Variants in DCAF4 observed in about 807,000 individuals in gnomAD.
The protein encoded by DCAF4 is DDB1- and CUL4-associated factor 4.
A neutral mutation model predicts 60.9 loss-of-function variants in DCAF4; 37 were observed. The ratio of observed to expected loss-of-function variants is 0.61; its 90% CI spans 0.47 to 0.80. The LOEUF is 0.80. Among genes scored for constraint, DCAF4 ranks in the 30% least tolerant of loss-of-function variants. DCAF4 has a pLI of 0.00. For missense variants in DCAF4, 577 were observed against 650.0 expected (o/e 0.89, Z 1.22); for synonymous variants, 243 against 254.8 (o/e 0.95, Z 0.44).
rs556584851 is a variant in DCAF4, at chr14:72,926,535, G to T, written c.-17G>T. 5.9e-5 allele frequency: 9 copies of T among 152,510 alleles called. No homozygotes were observed. The highest frequency in any genetic ancestry group is 2.2e-4 in the African/African-American group (9 of 41,588). The allele number at this position is 152,510 out of a possible 1,614,324, so 9.4% of individuals were successfully genotyped here. A position where few individuals can be genotyped will look rare whatever the true frequency, so the allele number is the denominator to read the frequency against. ...CCGGAGGGGAATCCGGAAGGGACAC[G>T]CTGAACAGGTAAGACTGTGCTGCCT... On this transcript the variant is annotated 5_prime_UTR_variant, in exon 1 of 14. Coordinates refer to ENST00000358377, the MANE Select transcript of DCAF4 (RefSeq NM_015604.4).
chr14:72,928,598 T>TATATAA (rs1567290193), intron 1 of DCAF4, among the ~76,000 whole-genome samples: 2,274 of 27,418 alleles, frequency 0.083, 59 homozygotes, highest in African/African-American at 0.14. Flanking sequence ...TATATATATA[T>TATATAA]ATATATATAT....
intron 9 of DCAF4, among the ~76,000 whole-genome samples, chr14:72,953,728 AAAAAATATAT>A (rs1389754242): frequency 7.9e-5 from 3 of 37,768 alleles, no homozygotes; most frequent in Non-Finnish European, 1.4e-4. Flanking sequence ...AAAAAAAAAA[AAAAAATATAT>A]ATATATATAT....
chr14:72,953,406 A>C (rs1891702106), intron 9 of DCAF4, among the ~76,000 whole-genome samples: 1 of 151,550 alleles, frequency 6.6e-6, no homozygotes, highest in African/African-American at 2.4e-5. Context: ...TCAATGCAAA[A>C]GTTTATTTTA....
chr14:72,931,396 C>A (rs1888563719), intron 1 of DCAF4, among the ~76,000 whole-genome samples: 1 of 150,698 alleles, frequency 6.6e-6, no homozygotes, highest in African/African-American at 2.4e-5. Context: ...TATAGAAATA[C>A]AACTGGTTTT....
At chr14:72,931,988 C>CT (rs146250601) in intron 1 of DCAF4, among the ~76,000 whole-genome samples, 2,541 of 116,952 alleles carry the variant, frequency 0.022, 48 homozygotes, top group African/African-American at 0.058. Context: ...ATTTTTCCTT[C>CT]TTTTTTTTTT....
At chr14:72,952,827 T>G (rs186436041) in intron 9 of DCAF4, among the ~76,000 whole-genome samples, 1 of 138,428 alleles carries the variant, frequency 7.2e-6, no homozygotes, top group African/African-American at 2.7e-5. Context: ...CCCAAGTAGC[T>G]GAGATCACAG....
intron 6 of DCAF4, among the ~76,000 whole-genome samples, chr14:72,944,728 G>C (rs1365332617): frequency 6.6e-6 from 1 of 151,888 alleles, no homozygotes; most frequent in Admixed American, 6.6e-5. Flanking sequence ...GGAAATCAAA[G>C]ATGCAGTGAG....
intron 13 of DCAF4, 144 bp from the exon 14 acceptor site, chr14:72,958,468 A>C: frequency 2.1e-6 from 2 of 961,840 alleles, no homozygotes; most frequent in Non-Finnish European, 3.1e-6. Flanking sequence ...GGTTATCCGT[A>C]GAAATACTGT....
At chr14:72,946,107 C>A in intron 7 of DCAF4, 80 bp downstream of exon 7, 1 of 1,542,702 alleles carries the variant, frequency 6.5e-7, no homozygotes, top group Non-Finnish European at 8.9e-7. Flanking sequence ...AGGAGAGCAA[C>A]TGGGGAAGAG....
chr14:72,953,947 G>A (rs1253968118), intron 9 of DCAF4, among the ~76,000 whole-genome samples: 3 of 150,924 alleles, frequency 2.0e-5, no homozygotes, highest in African/African-American at 4.9e-5. Context: ...CTGTAAACAC[G>A]ACTACTGGGA....
chr14:72,939,935 C>T (rs1192115078), intron 3 of DCAF4, 33 bp downstream of exon 3: 2 of 1,552,976 alleles, frequency 1.3e-6, no homozygotes, highest in South Asian at 1.2e-5. Context: ...AATCCTGGCC[C>T]TTGCACACAG....
chr14:72,953,484 A>G (rs1891711693), intron 9 of DCAF4, among the ~76,000 whole-genome samples: 1 of 151,614 alleles, frequency 6.6e-6, no homozygotes, highest in South Asian at 2.1e-4. Flanking sequence ...CCAAGGCAGG[A>G]TAATCGTTTG....
intron 11 of DCAF4, 107 bp downstream of exon 11, chr14:72,954,590 G>A (rs1892027834): frequency 9.8e-7 from 1 of 1,024,566 alleles, no homozygotes; most frequent in Non-Finnish European, 1.5e-6. Context: ...TTTGACAGGG[G>A]AGAAAGAGCA....
Position 72,955,513 on chromosome 14 carries a change from C to T in DCAF4, c.1006-10C>T. The T allele has an allele frequency of 3.1e-6, 5 of 1,612,406 alleles. No homozygotes were observed. Among genetic ancestry groups the T allele is most frequent in the South Asian group, 1.1e-5 (1 of 90,760 alleles). On this transcript the variant is annotated splice_polypyrimidine_tract_variant and intron_variant, in intron 11 of 13. Coordinates refer to ENST00000358377, the MANE Select transcript of DCAF4 (RefSeq NM_015604.4). ...GATAGCCAGGCACTGAGCAGTCCCT[C>T]TTTCCACAGGCTCCTCTGCTGTTTA...
intron 7 of DCAF4, among the ~76,000 whole-genome samples, 200 bp downstream of exon 7, chr14:72,946,227 CAAA>C (rs77222663): frequency 2.9e-5 from 2 of 69,962 alleles, no homozygotes; most frequent in East Asian, 4.0e-4. Flanking sequence ...CTTGTCTCTA[CAAA>C]AAAAAAAAAA....
At chr14:72,950,598 C>T (rs1032951825) in intron 8 of DCAF4, among the ~76,000 whole-genome samples, 5 of 152,050 alleles carry the variant, frequency 3.3e-5, no homozygotes, top group African/African-American at 9.7e-5. Context: ...AGAGGAACCG[C>T]GTCAGTCAAA....
At chr14:72,947,946 CAT>C (rs1457044169) in intron 8 of DCAF4, among the ~76,000 whole-genome samples, 4 of 152,296 alleles carry the variant, frequency 2.6e-5, no homozygotes, top group Middle Eastern at 3.4e-3. Context: ...CCCAAAACCA[CAT>C]GTTAATGACT....
At position 72,940,137 on chromosome 14, in the gene DCAF4, G is replaced by C. The variant is rs879167896; in HGVS notation, c.194-83G>C. On this transcript the variant is annotated intron_variant, in intron 3 of 13. Coordinates refer to ENST00000358377, the MANE Select transcript of DCAF4 (RefSeq NM_015604.4). ...CAGAAAAGACAGGCAGCCACGAGGT[G>C]GGGGGACAGGCCACTGGGCGCCCAA... The C allele has an allele frequency of 1.0e-4, 155 of 1,544,328 alleles. 3 individuals carry two copies. The South Asian group carries it at 1.6e-3, about 16-fold the overall frequency.
intron 2 of DCAF4, among the ~76,000 whole-genome samples, chr14:72,938,817 T>C (rs1889645267): frequency 6.6e-6 from 1 of 152,044 alleles, no homozygotes; most frequent in Non-Finnish European, 1.5e-5. Context: ...AGTCAGTGAG[T>C]GAGTGATGAG....
Sources: allele counts gnomAD v4.1 joint callset (sites outside exome capture counted in the v4.1 genomes callset), GRCh38; gene constraint gnomAD v4.1.1; transcripts MANE v1.5; gene names NCBI Gene and HGNC (gene_info 2026-07-23, HGNC 2026-07-21).